The following GALNT17 variants were observed in gnomAD, a reference collection of about 807,000 sequenced individuals.
GALNT17 encodes the protein UDP-GalNAc:polypeptide N-acetylgalactosaminyltransferase-like 3.
GALNT17 carries 29 observed loss-of-function variants against 63.7 expected under a neutral mutation model. That is an observed-to-expected ratio of 0.46 (90% CI 0.34 to 0.62). GALNT17 has a LOEUF of 0.62. Among genes scored for constraint, GALNT17 ranks in the 20% least tolerant of loss-of-function variants. The pLI is 0.01. For missense variants in GALNT17, 603 were observed against 799.6 expected (o/e 0.75, Z 2.97); for synonymous variants, 305 against 318.3 (o/e 0.96, Z 0.45).
chr7:71,595,660 GACACACACACACACACACAC>G (rs61389262), intron 6 of GALNT17, among the ~76,000 whole-genome samples: 55 of 142,788 alleles, frequency 3.9e-4, no homozygotes, highest in South Asian at 1.2e-3. Context: ...GAGAGACTGA[GACACACACACACACACACAC>G]ACACACACAC....
At position 71,473,587 on chromosome 7, in the gene GALNT17, G is replaced by T. The variant is rs940689082; in HGVS notation, c.962+52482G>T. On this transcript the variant is annotated intron_variant, in intron 5 of 10. Coordinates refer to ENST00000333538, the MANE Select transcript of GALNT17 (RefSeq NM_022479.3). ...ATTTTAATGTTAATGCTGGTCAGTT[G>T]TGCCTAAACTCCAAAAGGGGTGGGG... 5.9e-5 allele frequency among the ~76,000 whole-genome samples: 9 copies of T among 152,100 alleles called. No homozygotes were observed. The East Asian group carries it at 1.5e-3, about 26-fold the overall frequency.
intron 5 of GALNT17, among the ~76,000 whole-genome samples, chr7:71,562,710 T>C (rs1789276207): frequency 1.3e-5 from 2 of 152,126 alleles, no homozygotes; most frequent in Admixed American, 1.3e-4. Context: ...GCCACTCACC[T>C]CCTGATGGGC....
intron 1 of GALNT17, among the ~76,000 whole-genome samples, chr7:71,255,922 G>T (rs1790280939): frequency 6.6e-6 from 1 of 152,174 alleles, no homozygotes; most frequent in South Asian, 2.1e-4. Flanking sequence ...AATGAGTTCA[G>T]GCCATGATAG....
intron 5 of GALNT17, among the ~76,000 whole-genome samples, chr7:71,458,005 C>T (rs2116571032): frequency 6.6e-6 from 1 of 152,240 alleles, no homozygotes; most frequent in African/African-American, 2.4e-5. Context: ...TCCTCTACCA[C>T]TCTTTGAAGC....
intron 1 of GALNT17, among the ~76,000 whole-genome samples, chr7:71,265,670 T>C (rs1292050674): frequency 4.6e-5 from 7 of 152,084 alleles, no homozygotes; most frequent in Non-Finnish European, 5.9e-5. Context: ...GGCACAAGGA[T>C]TGGAAACAAC....
intron 5 of GALNT17, among the ~76,000 whole-genome samples, chr7:71,486,236 G>A (rs1787906524): frequency 6.6e-6 from 1 of 151,748 alleles, no homozygotes; most frequent in Non-Finnish European, 1.5e-5. Flanking sequence ...GGCTGATGAG[G>A]CAGGAGAATC....
chr7:71,674,820 A>G (rs1287081295), intron 8 of GALNT17, among the ~76,000 whole-genome samples: 1 of 152,132 alleles, frequency 6.6e-6, no homozygotes, highest in East Asian at 1.9e-4. Flanking sequence ...CCCAGCCCAC[A>G]TATGCTTTTA....
At chr7:71,358,781 C>CTT (rs374675039) in intron 2 of GALNT17, among the ~76,000 whole-genome samples, 3 of 149,626 alleles carry the variant, frequency 2.0e-5, no homozygotes, top group Admixed American at 6.7e-5. Flanking sequence ...TTTTCTTTTT[C>CTT]TTTTTTTTTG....
intron 5 of GALNT17, among the ~76,000 whole-genome samples, chr7:71,537,747 A>C (rs1471209956): frequency 1.3e-5 from 2 of 152,224 alleles, no homozygotes; most frequent in Non-Finnish European, 2.9e-5. Flanking sequence ...CAGGAGGCAG[A>C]GGCTGCAATG....
At chr7:71,681,728 G>A (rs906500219) in intron 9 of GALNT17, among the ~76,000 whole-genome samples, 2 of 152,166 alleles carry the variant, frequency 1.3e-5, no homozygotes, top group Non-Finnish European at 1.5e-5. Flanking sequence ...ACTTATTAAC[G>A]GTGACATAGT....
At chr7:71,205,152 CTTTT>C (rs759200277) in intron 1 of GALNT17, among the ~76,000 whole-genome samples, 4,931 of 114,940 alleles carry the variant, frequency 0.043, 194 homozygotes, top group African/African-American at 0.16. Context: ...TTACTTTTTA[CTTTT>C]TTTTTTTTTT....
At chr7:71,384,066 G>A (rs1168374921) in intron 2 of GALNT17, among the ~76,000 whole-genome samples, 1 of 152,116 alleles carries the variant, frequency 6.6e-6, no homozygotes, top group Admixed American at 6.5e-5. Context: ...CAGTGCACAA[G>A]GGTTTCAATT....
chr7:71,179,400 G>A (rs887139266), intron 1 of GALNT17, among the ~76,000 whole-genome samples: 1 of 152,122 alleles, frequency 6.6e-6, no homozygotes, highest in African/African-American at 2.4e-5. Flanking sequence ...ACTGTGCTCT[G>A]ACCACCTTGG....
chr7:71,335,481 G>A lies in GALNT17; in HGVS notation c.239-69G>A, dbSNP rs376313966. ...TGTTAAAATGTCTGTTGAAGCTGCA[G>A]CGGAGATTGAGTAATACATCCTGGT... On this transcript the variant is annotated intron_variant, in intron 1 of 10. Transcript: ENST00000333538. The A allele has an allele frequency of 1.4e-5, 20 of 1,402,228 alleles. No individual in the cohort carries two copies. In the African/African-American group the frequency reaches 2.3e-4, roughly 16 times the overall value. 86.9% of individuals were successfully genotyped at this position (1,402,228 alleles called of 1,614,324 possible).
chr7:71,458,889 G>A (rs1001126952), intron 5 of GALNT17, among the ~76,000 whole-genome samples: 7 of 152,056 alleles, frequency 4.6e-5, no homozygotes, highest in African/African-American at 1.7e-4. Context: ...TGGGTACAGG[G>A]TAGGGGGCGT....
intron 1 of GALNT17, among the ~76,000 whole-genome samples, chr7:71,272,955 T>C (rs1790619034): frequency 1.4e-5 from 2 of 145,382 alleles, no homozygotes; most frequent in African/African-American, 2.9e-5. Context: ...AAATGTTCAA[T>C]TCAGAGAAGA....
chr7:71,410,955 C>T (rs1411508993), intron 3 of GALNT17, among the ~76,000 whole-genome samples: 2 of 152,048 alleles, frequency 1.3e-5, no homozygotes, highest in Non-Finnish European at 2.9e-5. Flanking sequence ...TTATTTTTGT[C>T]GAAATGAGTT....
At chr7:71,310,264 A>C (rs1554351624) in intron 1 of GALNT17, among the ~76,000 whole-genome samples, 1 of 152,218 alleles carries the variant, frequency 6.6e-6, no homozygotes, top group Non-Finnish European at 1.5e-5. Context: ...AATGAATCAG[A>C]AGCAGAATGA....
intron 5 of GALNT17, among the ~76,000 whole-genome samples, chr7:71,443,413 G>A (rs1787103460): frequency 1.3e-5 from 2 of 152,216 alleles, no homozygotes; most frequent in Admixed American, 6.5e-5. Context: ...GGGCCTGGAG[G>A]GAGGTGTTTG....
Sources: gnomAD v4.1 joint callset for allele counts (sites outside exome capture counted in the v4.1 genomes callset) on GRCh38, gnomAD v4.1.1 for gene constraint, MANE v1.5 for transcripts, NCBI Gene and HGNC (gene_info 2026-07-23, HGNC 2026-07-21) for gene names.